The following SLC24A2 variants were observed in gnomAD, a reference collection of about 807,000 sequenced individuals.
SLC24A2 encodes solute carrier family 24 member 2, also known as sodium/potassium/calcium exchanger 2.
SLC24A2 carries 36 observed loss-of-function variants against 62.0 expected under a neutral mutation model. That is an observed-to-expected ratio of 0.58 (90% CI 0.44 to 0.77). The LOEUF (loss-of-function observed/expected upper bound fraction) is 0.77, where lower values mean the gene tolerates loss of function less well. Among genes scored for constraint, SLC24A2 ranks in the 30% least tolerant of loss-of-function variants. The probability of loss-of-function intolerance (pLI) is 0.00; values close to 1 mark genes in which losing one functional copy is unlikely to be tolerated. For missense variants in SLC24A2, 846 were observed against 817.9 expected, an observed-to-expected ratio of 1.03 and a Z score of -0.42; for synonymous variants, 358 against 294.0, an observed-to-expected ratio of 1.22 and a Z score of -2.23.
chr9:19,786,840 G>T lies in SLC24A2; in HGVS notation c.27C>A (p.Ile9=). 6.2e-7 allele frequency: 1 copy of T among 1,611,946 alleles called. No individual in the cohort carries two copies. Among genetic ancestry groups the T allele is most frequent in the East Asian group, 2.2e-5 (1 of 44,884 alleles). ...CCAAACACCATTTCTCTAGGGAAGT[G>T]ATGGTGGTGCTTTGTTGCAGATCCA... The part of the protein sequence containing the change: MDLQQSTT[I]TSLEKWCLDE... The change falls in exon 2 of 11, where the codon ATC becomes ATA. Residue 9 remains isoleucine (I), a synonymous_variant. Coordinates refer to ENST00000341998, the MANE Select transcript of SLC24A2 (RefSeq NM_020344.4). The surrounding 1 kb of genome is among the most constrained non-coding windows in gnomAD (Gnocchi z 5.0).
At chr9:20,121,034 T>A in the SLC24A2 span, among the ~76,000 whole-genome samples, 1 of 150,302 alleles carries the variant, frequency 6.7e-6, no homozygotes. Flanking sequence ...CTTTTATAAG[T>A]TTTGAAATTA....
the SLC24A2 span, among the ~76,000 whole-genome samples, chr9:20,084,575 C>T: frequency 6.7e-6 from 1 of 148,518 alleles, no homozygotes; most frequent in Non-Finnish European, 1.5e-5. Context: ...CCCACCACCT[C>T]AGTGAACTCT....
At chr9:19,972,299 C>G in the SLC24A2 span, among the ~76,000 whole-genome samples, 1 of 152,006 alleles carries the variant, frequency 6.6e-6, no homozygotes, top group Non-Finnish European at 1.5e-5. Flanking sequence ...AGTCAAATGC[C>G]GTTAGTCAGG....
At chr9:20,135,063 C>G in the SLC24A2 span, among the ~76,000 whole-genome samples, 1 of 152,066 alleles carries the variant, frequency 6.6e-6, no homozygotes, top group Non-Finnish European at 1.5e-5. Context: ...TTTTTAGAAG[C>G]CTCCATGTGC....
chr9:20,256,214 G>A, the SLC24A2 span, among the ~76,000 whole-genome samples: 7 of 152,296 alleles, frequency 4.6e-5, no homozygotes, highest in Non-Finnish European at 7.4e-5. Flanking sequence ...ATGCCTTTGG[G>A]GAGACACGTT....
chr9:19,817,051 G>A, the SLC24A2 span, among the ~76,000 whole-genome samples: 4 of 152,104 alleles, frequency 2.6e-5, no homozygotes, highest in South Asian at 2.1e-4. Context: ...GAAGTAGTTT[G>A]TGATTCGTAT....
chr9:20,097,014 T>C, the SLC24A2 span, among the ~76,000 whole-genome samples: 5 of 152,322 alleles, frequency 3.3e-5, no homozygotes, highest in East Asian at 5.8e-4. Flanking sequence ...GTAACTTCTC[T>C]TTTCCCTACA....
the SLC24A2 span, among the ~76,000 whole-genome samples, chr9:20,031,192 G>T: frequency 6.6e-6 from 1 of 150,954 alleles, no homozygotes; most frequent in Non-Finnish European, 1.5e-5. Flanking sequence ...ATGTGTAGGT[G>T]AAGAGAATTG....
intron 4 of SLC24A2, among the ~76,000 whole-genome samples, chr9:19,610,276 C>T (rs1837117339): frequency 6.6e-6 from 1 of 152,088 alleles, no homozygotes; most frequent in South Asian, 2.1e-4. Flanking sequence ...AAGTAAGAAC[C>T]TTCATTTTTT....
At chr9:20,025,436 C>A in the SLC24A2 span, among the ~76,000 whole-genome samples, 4 of 151,976 alleles carry the variant, frequency 2.6e-5, no homozygotes, top group Admixed American at 2.6e-4. Flanking sequence ...ACAAATTAAT[C>A]AGGAAAAATA....
the SLC24A2 span, among the ~76,000 whole-genome samples, chr9:20,184,750 T>C: frequency 6.6e-6 from 1 of 152,118 alleles, no homozygotes; most frequent in African/African-American, 2.4e-5. Flanking sequence ...TCTCACTGCT[T>C]GAGTATATAT....
the SLC24A2 span, among the ~76,000 whole-genome samples, chr9:20,181,946 C>A: frequency 1.3e-5 from 2 of 151,730 alleles, no homozygotes; most frequent in African/African-American, 4.8e-5. Context: ...CAAGAAAAAA[C>A]CCCATTGAAA....
intron 5 of SLC24A2, among the ~76,000 whole-genome samples, chr9:19,593,716 C>T (rs1041717372): frequency 3.3e-5 from 5 of 152,056 alleles, no homozygotes; most frequent in Non-Finnish European, 7.4e-5. Flanking sequence ...GTTCCACTCC[C>T]CATCTTGTAC....
chr9:19,779,514 C>A (rs894054397), intron 2 of SLC24A2, among the ~76,000 whole-genome samples: 1 of 151,862 alleles, frequency 6.6e-6, no homozygotes, highest in Non-Finnish European at 1.5e-5. Context: ...ATTTCAAGAA[C>A]AAAAGTGAAA....
At chr9:19,990,114 T>C in the SLC24A2 span, among the ~76,000 whole-genome samples, 4 of 152,316 alleles carry the variant, frequency 2.6e-5, no homozygotes, top group South Asian at 2.1e-4. Flanking sequence ...GTGTTAAGTG[T>C]TGTGCCTGCA....
At chr9:19,629,299 A>G (rs1443113178) in intron 2 of SLC24A2, among the ~76,000 whole-genome samples, 1 of 152,190 alleles carries the variant, frequency 6.6e-6, no homozygotes, top group African/African-American at 2.4e-5. Context: ...AACTTCAAAT[A>G]TAGTAAAAAA....
chr9:19,597,269 T>C lies in SLC24A2; in HGVS notation c.1089A>G (p.Ser363=), dbSNP rs750230338. ...TLDPLAEELG[S]YGKLKYYDTM... ...TGTCATAATATTTTAGTTTTCCATA[T>C]GATCCAAGTTCTACAACATCACAGT... Residue 363 remains serine (S), a synonymous_variant, in exon 5 of 11, where the codon TCA becomes TCG. Coordinates refer to ENST00000341998, the MANE Select transcript of SLC24A2 (RefSeq NM_020344.4). 7 of 1,580,124 alleles carry C rather than the reference T, an allele frequency of 4.4e-6. No individual in the cohort carries two copies. In the Admixed American group the frequency reaches 1.2e-4, roughly 26 times the overall value.
At chr9:19,577,092 T>C (rs1348030188) in intron 5 of SLC24A2, 70 bp from the exon 6 acceptor site, 30 of 1,205,540 alleles carry the variant, frequency 2.5e-5, no homozygotes, top group Admixed American at 8.4e-5. Flanking sequence ...CAAGCAGGTA[T>C]GTGGCCTCCT....
At chr9:20,041,202 A>AG in the SLC24A2 span, among the ~76,000 whole-genome samples, 6 of 152,134 alleles carry the variant, frequency 3.9e-5, no homozygotes, top group South Asian at 4.2e-4. Flanking sequence ...GAGAAAAAGA[A>AG]AGAGAGATAG....
Sources: gnomAD v4.1 joint callset for allele counts (sites outside exome capture counted in the v4.1 genomes callset) on GRCh38, gnomAD v4.1.1 for gene constraint, Gnocchi (gnomAD v3.1) non-coding constraint, MANE v1.5 for transcripts, NCBI Gene and HGNC (gene_info 2026-07-23, HGNC 2026-07-21) for gene names.